The following RPL36A variants were observed in gnomAD, a reference collection of about 807,000 sequenced individuals.
RPL36A encodes the protein large ribosomal subunit protein eL42.
For synonymous variants in RPL36A, 25 were observed against 28.5 expected (o/e 0.88, Z 0.39); for missense variants, 20 against 81.0 (o/e 0.25, Z 2.89).
chrX:101,396,109 T>G lies in RPL36A; in HGVS notation c.*361T>G. The G allele has an allele frequency of 5.3e-6, 1 of 188,665 alleles. No individual in the cohort carries two copies. Among genetic ancestry groups the G allele is most frequent in the Admixed American group, 7.0e-5 (1 of 14,238 alleles). The allele number at this position is 188,665 out of a possible 1,213,427, so 15.5% of individuals were successfully genotyped here. ...TTTGCTAAGAGTTAAGTGTCAGATC[T>G]TTGTTATAACAGTTAATTTAATAAA... On this transcript the variant is annotated 3_prime_UTR_variant, in exon 5 of 5. Coordinates refer to ENST00000553110, the MANE Select transcript of RPL36A (RefSeq NM_021029.6).
chrX:101,395,616 GAAGAATGAGGCAGC>G, intron 4 of RPL36A, 98 bp from the exon 5 acceptor site: 1 of 1,089,552 alleles, frequency 9.2e-7, no homozygotes, highest in Non-Finnish European at 1.3e-6. Flanking sequence ...AGGAGGAAAG[GAAGAATGAGGCAGC>G]TTAACAGCAT....
At chrX:101,393,911 G>C (rs1010786947) in intron 3 of RPL36A, 4 of 112,285 alleles carry the variant, frequency 3.6e-5, no homozygotes, top group African/African-American at 1.3e-4. Context: ...ATCAGTGTTG[G>C]TTTGTTAATG....
Position 101,391,092 on chromosome X carries a change from C to G in RPL36A, c.3+46C>G, listed in dbSNP as rs782501261. 5.0e-5 allele frequency: 59 copies of G among 1,174,302 alleles called. No individual in the cohort carries two copies. In the South Asian group the frequency reaches 9.9e-4, roughly 20 times the overall value. On this transcript the variant is annotated intron_variant, in intron 1 of 4. Coordinates refer to ENST00000553110, the MANE Select transcript of RPL36A (RefSeq NM_021029.6). Reference sequence around the variant, plus strand: ...CCGAGTAACATCCAGCTTAATCTTTCCCCCCCTTCGTCGCCCGTGCTATGC... The same window carrying G: ...CCGAGTAACATCCAGCTTAATCTTTGCCCCCCTTCGTCGCCCGTGCTATGC...
At chrX:101,391,854 G>A in intron 3 of RPL36A, 32 bp downstream of exon 3, 1 of 1,203,014 alleles carries the variant, frequency 8.3e-7, no homozygotes, top group Non-Finnish European at 1.1e-6. Flanking sequence ...ACGTTTCCCA[G>A]TTAATTGCCG....
chrX:101,394,511 T>G (rs1467074756), intron 3 of RPL36A, among the ~76,000 whole-genome samples: 1 of 106,517 alleles, frequency 9.4e-6, no homozygotes, highest in Non-Finnish European at 1.9e-5. Flanking sequence ...TGGGCTCAAG[T>G]GATCCTGCCT....
At chrX:101,391,715 T>G in intron 2 of RPL36A, 40 bp from the exon 3 acceptor site, 1 of 1,205,202 alleles carries the variant, frequency 8.3e-7, no homozygotes, top group Non-Finnish European at 1.1e-6. Flanking sequence ...TACTTGCTGA[T>G]CTTCAGTATT....
At chrX:101,395,696 A>T (rs782764206) in intron 4 of RPL36A, 32 bp from the exon 5 acceptor site, 2 of 1,207,170 alleles carry the variant, frequency 1.7e-6, no homozygotes, top group Admixed American at 4.4e-5. Flanking sequence ...TCATGGCAAA[A>T]TACAAAACAA....
intron 3 of RPL36A, among the ~76,000 whole-genome samples, chrX:101,394,181 AAAT>A (rs1214176895): frequency 9.1e-6 from 1 of 109,798 alleles, no homozygotes; most frequent in Non-Finnish European, 1.9e-5. Flanking sequence ...AAATAAGAAA[AAAT>A]TAGCTGGGCG....
At chrX:101,391,630 C>T (rs1046512992) in intron 2 of RPL36A, 66 bp downstream of exon 2, 19 of 1,191,396 alleles carry the variant, frequency 1.6e-5, no homozygotes, top group Non-Finnish European at 1.9e-5. Context: ...CATACGAGTC[C>T]GGGTCTCTCT....
intron 3 of RPL36A, 88 bp downstream of exon 3, chrX:101,391,910 T>G (rs1019349357): frequency 6.7e-6 from 8 of 1,191,669 alleles, no homozygotes; most frequent in Non-Finnish European, 9.0e-6. Flanking sequence ...ATGATATAGG[T>G]ATAGCGTTAG....
intron 3 of RPL36A, chrX:101,392,254 A>G (rs1555983562): frequency 1.1e-6 from 1 of 900,772 alleles, no homozygotes; most frequent in Non-Finnish European, 1.4e-6. Context: ...ACTCTTATAG[A>G]ATAGCCATTT....
chrX:101,392,778 A>G (rs1418746776), intron 3 of RPL36A: 4 of 221,833 alleles, frequency 1.8e-5, no homozygotes, highest in Non-Finnish European at 2.6e-5. Context: ...TATAATAGCT[A>G]AGATTTAGAA....
At chrX:101,392,032 A>G (rs1927828139) in intron 3 of RPL36A, 2 of 1,157,350 alleles carry the variant, frequency 1.7e-6, no homozygotes, top group Non-Finnish European at 2.3e-6. Flanking sequence ...ACGATTTTTT[A>G]TCCTTTCCCT....
rs782144276 is a variant in RPL36A at position 101,391,216 on chromosome X, G to A, written c.3+170G>A. The stretch of plus-strand genomic sequence containing the variant: ...GGACCGGGCTACGGGGCCAGGAATT[G>A]AAGTGATGGGTTCAAAGAGGTAGAG... On this transcript the variant is annotated intron_variant, in intron 1 of 4. Coordinates refer to ENST00000553110, the MANE Select transcript of RPL36A (RefSeq NM_021029.6). 6.0e-4 allele frequency: 376 copies of A among 624,199 alleles called. 1 individual carries two copies. The African/African-American group carries it at 7.0e-3, about 12-fold the overall frequency. The allele number at this position is 624,199 out of a possible 1,213,427, so 51.4% of individuals were successfully genotyped here. A position where few individuals can be genotyped will look rare whatever the true frequency, so the allele number is the denominator to read the frequency against.
At chrX:101,394,795 T>A (rs782572607) in intron 3 of RPL36A, among the ~76,000 whole-genome samples, 5,547 of 78,367 alleles carry the variant, frequency 0.071, 355 homozygotes, top group African/African-American at 0.27. Flanking sequence ...TATATATTTT[T>A]TTTTTTTTTT....
intron 3 of RPL36A, 76 bp downstream of exon 3, chrX:101,391,898 T>G: frequency 8.4e-7 from 1 of 1,194,810 alleles, no homozygotes; most frequent in East Asian, 3.0e-5. Flanking sequence ...TCCACACACT[T>G]CATGATATAG....
At chrX:101,395,237 T>C in intron 3 of RPL36A, 98 bp from the exon 4 acceptor site, 1 of 968,525 alleles carries the variant, frequency 1.0e-6, no homozygotes, top group Non-Finnish European at 1.3e-6. Flanking sequence ...ACTATTCATT[T>C]GCAATGCTTT....
At chrX:101,391,179 T>A (rs1225123880) in intron 1 of RPL36A, 133 bp downstream of exon 1, 8 of 795,487 alleles carry the variant, frequency 1.0e-5, no homozygotes, top group Admixed American at 7.5e-5. Flanking sequence ...CTTGCCGGGA[T>A]CAACCCTAAA....
At chrX:101,393,860 T>C (rs1927916136) in intron 3 of RPL36A, 3 of 104,382 alleles carry the variant, frequency 2.9e-5, no homozygotes, top group Admixed American at 1.0e-4. Flanking sequence ...TAGAAAAACA[T>C]AAGGAAATAA....
Sources: gnomAD v4.1 joint callset for allele counts (sites outside exome capture counted in the v4.1 genomes callset) on GRCh38, gnomAD v4.1.1 for gene constraint, MANE v1.5 for transcripts, NCBI Gene and HGNC (gene_info 2026-07-23, HGNC 2026-07-21) for gene names.